PRKACA: variants seen among roughly 807,000 people sequenced by gnomAD.
The protein encoded by PRKACA is cAMP-dependent protein kinase catalytic subunit alpha.
PRKACA carries 9 observed loss-of-function variants against 45.8 expected under a neutral mutation model. The ratio of observed to expected loss-of-function variants is 0.20; its 90% confidence interval spans 0.12 to 0.34. PRKACA has a LOEUF of 0.34. Among genes scored for constraint, PRKACA ranks in the 10% least tolerant of loss-of-function variants. The pLI is 1.00. For synonymous variants in PRKACA, 160 were observed against 178.6 expected, an observed-to-expected ratio of 0.90 and a Z score of 0.83; for missense variants, 238 against 458.6, an observed-to-expected ratio of 0.52 and a Z score of 4.39.
Position 14,097,263 on chromosome 19 carries a change from A to G in PRKACA, c.765+98T>C. ...CTGGCCTGACTTAAGGAACTTCTAGATTATTCTGACAACAAGCAGGGCTCC... is the reference window on the plus strand; with the variant it reads ...CTGGCCTGACTTAAGGAACTTCTAGGTTATTCTGACAACAAGCAGGGCTCC... On this transcript the variant is annotated intron_variant, in intron 8 of 9. Coordinates refer to ENST00000308677, the MANE Select transcript of PRKACA (RefSeq NM_002730.4). The surrounding 1 kb of genome is among the most constrained non-coding windows in gnomAD (Gnocchi z 5.4). 1.3e-6 allele frequency: 2 copies of G among 1,581,832 alleles called. No individual in the cohort carries two copies. Among genetic ancestry groups the G allele is most frequent in the Non-Finnish European group, 1.7e-6 (2 of 1,155,662 alleles).
chr19:14,112,758 C>G (rs1200645684), intron 1 of PRKACA: 1 of 152,694 alleles, frequency 6.5e-6, no homozygotes, highest in Non-Finnish European at 1.5e-5. Flanking sequence ...ACGGACTTCA[C>G]TGCTCCCAGG....
chr19:14,115,891 C>T (rs1415003980), intron 1 of PRKACA, among the ~76,000 whole-genome samples: 1 of 152,152 alleles, frequency 6.6e-6, no homozygotes, highest in East Asian at 1.9e-4. Flanking sequence ...GGCCAAGTCC[C>T]CTCCAAGCTC....
In PRKACA at chr19:14,106,887, T is replaced by G. The variant is rs1325870574; in HGVS notation, c.110A>C (p.Asn37Thr). 1.9e-6 allele frequency: 3 copies of G among 1,614,038 alleles called. No individual in the cohort carries two copies. The highest frequency in any genetic ancestry group is 2.5e-6 in the Non-Finnish European group (3 of 1,180,000). Reference protein sequence around the residue: ...FLKKWESPAQNTAHLDQFERI... With the variant: ...FLKKWESPAQTTAHLDQFERI... ...TTCAAACTGATCCAAGTGGGCTGTG[T>G]TCTGTGGGCAGAGGGGTCGGTAGGC... Residue 37 changes from asparagine to threonine, a missense_variant and splice_region_variant, in exon 3 of 10, where the codon AAC becomes ACC. By Grantham distance (65) the Asn-to-Thr change is moderately conservative. Around this residue, in one of 3 missense-constraint regions of PRKACA, gnomAD observed 93 missense variants for 149.1 expected, o/e 0.62. Transcript: ENST00000308677.
At chr19:14,114,090 G>A (rs772074744) in intron 1 of PRKACA, 1 of 1,593,674 alleles carries the variant, frequency 6.3e-7, no homozygotes, top group East Asian at 2.3e-5. Flanking sequence ...TTAAGGGGCA[G>A]AGTGTGCCTA....
intron 1 of PRKACA, chr19:14,107,801 G>A: frequency 1.0e-6 from 1 of 1,003,498 alleles, no homozygotes; most frequent in Non-Finnish European, 1.2e-6. Flanking sequence ...GGGAGGCCGG[G>A]CCTGGGATGG....
chr19:14,114,593 G>C (rs1475538429), intron 1 of PRKACA, among the ~76,000 whole-genome samples: 1 of 151,986 alleles, frequency 6.6e-6, no homozygotes, highest in African/African-American at 2.4e-5. Context: ...CTGTGGGCCA[G>C]CTCCCAGGGG....
intron 1 of PRKACA, 58 bp from the exon 2 acceptor site, chr19:14,107,467 AG>A (rs1436721298): frequency 5.7e-6 from 9 of 1,570,588 alleles, no homozygotes; most frequent in Non-Finnish European, 7.9e-6. Context: ...GGGTGGGTTC[AG>A]GTGATTTCTG....
chr19:14,111,375 C>T (rs1288492244), intron 1 of PRKACA, among the ~76,000 whole-genome samples: 2 of 148,106 alleles, frequency 1.4e-5, no homozygotes, highest in Non-Finnish European at 3.0e-5. Context: ...CCAGCCTGGA[C>T]AACAAGAGTG....
At chr19:14,103,730 G>T (rs1977513441) in intron 3 of PRKACA, among the ~76,000 whole-genome samples, 1 of 152,204 alleles carries the variant, frequency 6.6e-6, no homozygotes, top group Non-Finnish European at 1.5e-5. Flanking sequence ...GTCGGATGGG[G>T]AGCCAAATTC....
intron 1 of PRKACA, among the ~76,000 whole-genome samples, chr19:14,110,296 G>C: frequency 6.6e-6 from 1 of 151,898 alleles, no homozygotes; most frequent in Non-Finnish European, 1.5e-5. Context: ...TCCAGCCTGA[G>C]CAAGAGTGAG....
rs747585702 is a variant in PRKACA, at chr19:14,102,847, G to C, written c.305C>G (p.Pro102Arg). Residue 102 changes from proline to arginine, a missense_variant, in exon 4 of 10, where the codon CCG becomes CGG. Physicochemically the swap from Pro to Arg is moderately radical, Grantham distance 103 (BLOSUM62 -2). Transcript: ENST00000308677. ...EKRILQAVNF[P>R]FLVKLEFSFK... is the part of the protein sequence containing the mutation. ...GGAGAACTCGAGTTTGACGAGGAAC[G>C]GAAAGTTGACAGCTTGCAGGATGCG... 1 of 1,614,064 alleles carries C rather than the reference G, an allele frequency of 6.2e-7. No homozygotes were observed. The highest frequency in any genetic ancestry group is 8.5e-7 in the Non-Finnish European group (1 of 1,180,030).
chr19:14,109,579 C>T (rs561242010), intron 1 of PRKACA, among the ~76,000 whole-genome samples: 8 of 151,204 alleles, frequency 5.3e-5, no homozygotes, highest in African/African-American at 1.9e-4. Context: ...GATTGCACCA[C>T]TGCACTCCAG....
intron 1 of PRKACA, 118 bp downstream of exon 1, chr19:14,117,384 C>T (rs1599353642): frequency 1.9e-6 from 2 of 1,078,732 alleles, no homozygotes; most frequent in African/African-American, 1.8e-5. Context: ...GGGCAAGGGG[C>T]GCTGGGGGGT....
chr19:14,099,469 C>G (rs1260984905), intron 5 of PRKACA, among the ~76,000 whole-genome samples: 1 of 151,420 alleles, frequency 6.6e-6, no homozygotes, highest in East Asian at 1.9e-4. Context: ...TATGTTGAAC[C>G]AGCCTTGCAT....
intron 1 of PRKACA, among the ~76,000 whole-genome samples, chr19:14,113,260 C>T (rs1287130965): frequency 6.6e-6 from 1 of 152,066 alleles, no homozygotes; most frequent in Non-Finnish European, 1.5e-5. Context: ...TTTCCAGATC[C>T]CAAAAGAAGC....
chr19:14,100,612 G>A (rs1599339569), intron 5 of PRKACA, among the ~76,000 whole-genome samples: 2 of 152,260 alleles, frequency 1.3e-5, no homozygotes, highest in Admixed American at 1.3e-4. Flanking sequence ...CTTCAGTTTG[G>A]ACACCTAAGT....
At chr19:14,114,283 G>A (rs1967059768) in intron 1 of PRKACA, 4 of 1,339,586 alleles carry the variant, frequency 3.0e-6, no homozygotes, top group Non-Finnish European at 4.2e-6. Flanking sequence ...CGTGGGGTGG[G>A]AGCAGGAAGA....
At chr19:14,102,942 A>C in intron 3 of PRKACA, 28 bp from the exon 4 acceptor site, 1 of 1,567,734 alleles carries the variant, frequency 6.4e-7, no homozygotes, top group Non-Finnish European at 8.8e-7. Flanking sequence ...GGAGGGCAGA[A>C]AGGAGGGGGA....
In PRKACA at chr19:14,106,804, C is replaced by T; in HGVS notation, c.193G>A (p.Glu65Lys). Residue 65 changes from glutamate to lysine, a missense_variant, in exon 3 of 10, where the codon GAG (glutamate) becomes AAG (lysine). This residue lies in a region of PRKACA where 93 missense variants were observed against 149.1 expected (regional missense o/e 0.62). Coordinates refer to ENST00000308677, the MANE Select transcript of PRKACA (RefSeq NM_002730.4). ...FGRVMLVKHK[E>K]TGNHYAMKIL... ...TTCATGGCATAGTGGTTCCCGGTCT[C>T]CTTGTGTTTCACCAGCATCACCCGC... The T allele has an allele frequency of 6.2e-7, 1 of 1,614,212 alleles. No individual in the cohort carries two copies. The highest frequency in any genetic ancestry group is 8.5e-7 in the Non-Finnish European group (1 of 1,180,036).
Sources: allele counts gnomAD v4.1 joint callset (sites outside exome capture counted in the v4.1 genomes callset), GRCh38; gene constraint gnomAD v4.1.1; regional missense constraint gnomAD v4.1.1; non-coding constraint Gnocchi (gnomAD v3.1); transcripts MANE v1.5; gene names NCBI Gene and HGNC (gene_info 2026-07-23, HGNC 2026-07-21).